Variants in DYM observed in about 807,000 individuals in gnomAD.
The protein encoded by DYM is dyggve-Melchior-Clausen syndrome protein.
Under a neutral mutation model 93.1 loss-of-function variants are expected in DYM, and 78 were observed. The ratio of observed to expected loss-of-function variants is 0.84; its 90% CI spans 0.70 to 1.01. DYM has a LOEUF of 1.01. Among genes scored for constraint, DYM ranks in the 50% least tolerant of loss-of-function variants. The pLI is 0.00. For synonymous variants in DYM, 321 were observed against 319.7 expected, an observed-to-expected ratio of 1.00 and a Z score of -0.04; for missense variants, 789 against 845.0, an observed-to-expected ratio of 0.93 and a Z score of 0.82.
chr18:49,098,623 T>A (rs1321617867), intron 16 of DYM, among the ~76,000 whole-genome samples: 2 of 152,204 alleles, frequency 1.3e-5, no homozygotes, highest in African/African-American at 4.8e-5. Context: ...GATAAACCAT[T>A]TCTTTCTCAA....
rs144762983 is a variant in DYM, at chr18:49,280,728, C to A, written c.1125+1269G>T. Among the ~76,000 whole-genome samples the A allele has an allele frequency of 1.9e-3, 293 of 152,350 alleles. 2 individuals carry two copies. The highest frequency in any genetic ancestry group is 6.7e-3 in the African/African-American group (278 of 41,592). Reference sequence around the variant, plus strand: ...GTCTGGTGACATCTCCCTATCAATTCTTGACCATCACCTTTGTGGCAACCA... The same window carrying A: ...GTCTGGTGACATCTCCCTATCAATTATTGACCATCACCTTTGTGGCAACCA... On this transcript the variant is annotated intron_variant, in intron 10 of 17. Coordinates refer to ENST00000675505, the MANE Select transcript of DYM (RefSeq NM_001353214.3).
chr18:49,294,196 C>A (rs1417104464), intron 8 of DYM, among the ~76,000 whole-genome samples: 1 of 140,706 alleles, frequency 7.1e-6, no homozygotes, highest in South Asian at 2.5e-4. Context: ...GGTACCAGTA[C>A]CATGCTGTTT....
rs2071132818 is a variant in DYM, at chr18:49,044,001, A to C, written c.*54T>G. Reference sequence around the variant, plus strand: ...TCTACTTCTGTTACCCAGAAATAAAAGAACTTGAAGGGCTGCTTGGCTGGA... The same window carrying C: ...TCTACTTCTGTTACCCAGAAATAAACGAACTTGAAGGGCTGCTTGGCTGGA... On this transcript the variant is annotated 3_prime_UTR_variant, in exon 18 of 18. Coordinates refer to ENST00000675505, the MANE Select transcript of DYM (RefSeq NM_001353214.3). The C allele has an allele frequency of 6.2e-7, 1 of 1,605,796 alleles. No individual in the cohort carries two copies. The highest frequency in any genetic ancestry group is 1.3e-5 in the African/African-American group (1 of 74,540).
At chr18:49,366,753 A>T (rs1203548984) in intron 5 of DYM, among the ~76,000 whole-genome samples, 2 of 152,222 alleles carry the variant, frequency 1.3e-5, no homozygotes, top group Non-Finnish European at 2.9e-5. Flanking sequence ...AACATTTACC[A>T]AGTACTCTAC....
At chr18:49,367,226 T>A (rs190082292) in intron 5 of DYM, among the ~76,000 whole-genome samples, 100 of 152,300 alleles carry the variant, frequency 6.6e-4, no homozygotes, top group African/African-American at 2.3e-3. Flanking sequence ...AATGAATAAA[T>A]ATAAGCTATT....
chr18:49,219,024 C>T (rs1241461045), intron 13 of DYM, among the ~76,000 whole-genome samples: 9 of 151,860 alleles, frequency 5.9e-5, no homozygotes, highest in East Asian at 1.9e-4. Context: ...CTAATAAAGA[C>T]GAAAACAGAG....
chr18:49,097,988 A>T (rs115482069), intron 16 of DYM, among the ~76,000 whole-genome samples: 1 of 152,064 alleles, frequency 6.6e-6, no homozygotes, highest in Non-Finnish European at 1.5e-5. Flanking sequence ...GAATTTAGCC[A>T]CATTTCCCTT....
intron 17 of DYM, among the ~76,000 whole-genome samples, chr18:49,060,708 A>G (rs1238771280): frequency 7.2e-5 from 2 of 27,708 alleles, no homozygotes; most frequent in Non-Finnish European, 1.3e-4. Context: ...ACGGAGGGGG[A>G]GAGAGGGAGG....
intron 3 of DYM, among the ~76,000 whole-genome samples, chr18:49,382,090 T>C (rs2068093024): frequency 3.3e-5 from 5 of 152,212 alleles, no homozygotes; most frequent in Admixed American, 1.3e-4. Flanking sequence ...GCCCCCTTTA[T>C]TACTGAATGG....
At chr18:49,359,853 T>C (rs887217006) in intron 6 of DYM, 1 of 152,212 alleles carries the variant, frequency 6.6e-6, no homozygotes, top group Non-Finnish European at 1.5e-5. Context: ...CATATATTCC[T>C]ATTTCCTCTT....
chr18:49,088,374 C>T (rs1239791067), intron 17 of DYM, among the ~76,000 whole-genome samples: 1 of 152,006 alleles, frequency 6.6e-6, no homozygotes, highest in Non-Finnish European at 1.5e-5. Flanking sequence ...AATAGGGAAT[C>T]CTTTCCCCAT....
intron 16 of DYM, among the ~76,000 whole-genome samples, chr18:49,106,229 A>AC (rs753471202): frequency 9.9e-5 from 15 of 151,900 alleles, no homozygotes; most frequent in Non-Finnish European, 2.1e-4. Context: ...TAGGATTGCA[A>AC]CCCCTGCCTT....
At chr18:49,057,990 C>T (rs1403355961) in intron 17 of DYM, among the ~76,000 whole-genome samples, 3 of 152,228 alleles carry the variant, frequency 2.0e-5, no homozygotes, top group Non-Finnish European at 4.4e-5. Flanking sequence ...GGCTGAGAGG[C>T]CCAGTGAGGG....
intron 8 of DYM, among the ~76,000 whole-genome samples, chr18:49,289,725 G>GTGTGTA (rs2059918484): frequency 1.5e-4 from 2 of 13,740 alleles, no homozygotes; most frequent in African/African-American, 3.2e-4. Context: ...ATATATATAT[G>GTGTGTA]TGTATATATA....
chr18:49,214,646 G>A (rs1330756499), intron 13 of DYM, among the ~76,000 whole-genome samples: 1 of 152,024 alleles, frequency 6.6e-6, no homozygotes, highest in Non-Finnish European at 1.5e-5. Context: ...GTTAATTTTG[G>A]TGGTTATGAA....
intron 14 of DYM, among the ~76,000 whole-genome samples, chr18:49,171,593 A>G (rs2088734590): frequency 6.6e-6 from 1 of 152,198 alleles, no homozygotes; most frequent in South Asian, 2.1e-4. Flanking sequence ...AAAAACCAAA[A>G]AACTATTAAA....
chr18:49,369,492 C>CT (rs139928696), intron 5 of DYM, among the ~76,000 whole-genome samples: 1 of 152,156 alleles, frequency 6.6e-6, no homozygotes, highest in African/African-American at 2.4e-5. Context: ...TAAGAACTGG[C>CT]TTTTTTTCTG....
chr18:49,274,918 C>A (rs1321538074), intron 10 of DYM, among the ~76,000 whole-genome samples: 2 of 152,112 alleles, frequency 1.3e-5, no homozygotes, highest in African/African-American at 4.8e-5. Context: ...TATCTTCTCA[C>A]ATTTTGTGGG....
intron 8 of DYM, among the ~76,000 whole-genome samples, chr18:49,317,646 C>CTCCTCTCCTCTCCTCTCCTTCCT (rs750848541): frequency 3.0e-4 from 11 of 36,606 alleles, no homozygotes; most frequent in East Asian, 7.9e-4. Flanking sequence ...ATCCTCTCCT[C>CTCCTCTCCTCTCCTCTCCTTCCT]TCCTTCCTTC....
Sources: allele counts gnomAD v4.1 joint callset (sites outside exome capture counted in the v4.1 genomes callset), GRCh38; gene constraint gnomAD v4.1.1; transcripts MANE v1.5; gene names NCBI Gene and HGNC (gene_info 2026-07-23, HGNC 2026-07-21).